Variants in MMP26 observed in about 807,000 individuals in gnomAD.
The protein encoded by MMP26 is matrix metalloproteinase-26.
Under a neutral mutation model 31.0 loss-of-function variants are expected in MMP26, and 33 were observed. The ratio of observed to expected loss-of-function variants is 1.06; its 90% CI spans 0.81 to 1.42. The LOEUF (loss-of-function observed/expected upper bound fraction) is 1.42, where lower values mean the gene tolerates loss of function less well. Among genes scored for constraint, MMP26 ranks in the 40% most tolerant of loss-of-function variants. The probability of loss-of-function intolerance (pLI) is 0.00; values close to 1 mark genes in which losing one functional copy is unlikely to be tolerated. For missense variants in MMP26, 347 were observed against 316.1 expected, an observed-to-expected ratio of 1.10 and a Z score of -0.74; for synonymous variants, 122 against 114.9, an observed-to-expected ratio of 1.06 and a Z score of -0.40.
intron 1 of MMP26, among the ~76,000 whole-genome samples, chr11:4,718,360 C>T (rs914534384): frequency 7.2e-5 from 11 of 152,192 alleles, no homozygotes. Flanking sequence ...AGACGGAATG[C>T]TGCTCTCTTT....
At position 4,992,137 on chromosome 11, in the gene MMP26, T is replaced by C; in HGVS notation, c.757+12T>C. On this transcript the variant is annotated intron_variant, in intron 7 of 7. Coordinates refer to ENST00000380390, the MANE Select transcript of MMP26 (RefSeq NM_021801.5). Reference sequence around the variant, plus strand: ...CCAGCATTTGTATGGTCTGTGCTGCTTAAGGAAGAGAAGGGAGATCTGGGC... The same window carrying C: ...CCAGCATTTGTATGGTCTGTGCTGCCTAAGGAAGAGAAGGGAGATCTGGGC... 1 of 1,613,160 alleles carries C rather than the reference T, an allele frequency of 6.2e-7. No individual in the cohort carries two copies.
chr11:4,822,275 T>A, intron 2 of MMP26: 2 of 1,563,670 alleles, frequency 1.3e-6, no homozygotes, highest in Non-Finnish European at 8.7e-7. Context: ...TTTCTGCTAA[T>A]CCCTCCTGTG....
At chr11:4,959,237 CAAAAAAAAAA>C (rs57867455) in intron 2 of MMP26, among the ~76,000 whole-genome samples, 104 of 74,472 alleles carry the variant, frequency 1.4e-3, no homozygotes, top group Middle Eastern at 8.5e-3. Context: ...AACTCTGTCT[CAAAAAAAAAA>C]AAAAAAAAAA....
chr11:4,820,354 G>A (rs35628152), intron 2 of MMP26, among the ~76,000 whole-genome samples: 15,922 of 152,106 alleles, frequency 0.1, 1,025 homozygotes, highest in Middle Eastern at 0.17. Flanking sequence ...AGATAATTGT[G>A]TCTGGCATAT....
chr11:4,769,453 T>TA (rs1169700488), intron 2 of MMP26: 2 of 1,612,902 alleles, frequency 1.2e-6, no homozygotes, highest in East Asian at 4.5e-5. Flanking sequence ...ATATTAGTAC[T>TA]ATAGCACGTG....
At chr11:4,918,369 T>C (rs535606141) in intron 2 of MMP26, among the ~76,000 whole-genome samples, 3 of 152,274 alleles carry the variant, frequency 2.0e-5, no homozygotes, top group Non-Finnish European at 2.9e-5. Context: ...TTTTTTCCTA[T>C]AAACTCAAGA....
chr11:4,915,080 G>A, intron 2 of MMP26: 3 of 1,613,982 alleles, frequency 1.9e-6, no homozygotes, highest in African/African-American at 1.3e-5. Flanking sequence ...CTTCATGTCG[G>A]CACAGGCCAA....
chr11:4,794,163 A>C (rs2133445153), intron 2 of MMP26: 1 of 152,300 alleles, frequency 6.6e-6, no homozygotes, highest in Non-Finnish European at 1.5e-5. Flanking sequence ...CAGCATGACC[A>C]CTTGCTCATA....
chr11:4,736,744 A>G (rs1411050018), intron 1 of MMP26: 1 of 152,370 alleles, frequency 6.6e-6, no homozygotes, highest in Non-Finnish European at 1.5e-5. Context: ...ATCAAAGGCC[A>G]TTGCCAGAAG....
intron 1 of MMP26, among the ~76,000 whole-genome samples, chr11:4,729,534 A>C (rs937338036): frequency 2.0e-5 from 3 of 152,172 alleles, no homozygotes; most frequent in Non-Finnish European, 4.4e-5. Context: ...GCCAAACCCA[A>C]CTAGAATACG....
intron 2 of MMP26, among the ~76,000 whole-genome samples, chr11:4,816,543 T>G (rs1412834368): frequency 6.6e-6 from 1 of 151,718 alleles, no homozygotes; most frequent in African/African-American, 2.4e-5. Flanking sequence ...TATCCTGCTA[T>G]CAGACAAAAC....
chr11:4,882,971 C>G, intron 2 of MMP26: 1 of 986,708 alleles, frequency 1.0e-6, no homozygotes, highest in South Asian at 1.7e-5. Context: ...GTTGCTGAGT[C>G]AATTCCAATT....
At chr11:4,779,699 T>TA (rs1247106050) in intron 2 of MMP26, among the ~76,000 whole-genome samples, 5 of 152,130 alleles carry the variant, frequency 3.3e-5, no homozygotes, top group African/African-American at 1.2e-4. Flanking sequence ...GTCCTATTTT[T>TA]AAGAAAATGT....
intron 2 of MMP26, among the ~76,000 whole-genome samples, chr11:4,863,283 CTTTAATTTTCAGACCCT>C (rs570198808): frequency 1.3e-3 from 203 of 152,074 alleles, no homozygotes; most frequent in African/African-American, 4.8e-3. Context: ...TTTTAATCTT[CTTTAATTTTCAGACCCT>C]TCCTTTCTCT....
chr11:4,815,225 G>T (rs1285254299), intron 2 of MMP26, among the ~76,000 whole-genome samples: 1 of 152,146 alleles, frequency 6.6e-6, no homozygotes, highest in Non-Finnish European at 1.5e-5. Context: ...TAGGGCAGAG[G>T]AAGCAATCAG....
intron 2 of MMP26, among the ~76,000 whole-genome samples, chr11:4,826,870 C>T (rs895875587): frequency 5.9e-5 from 9 of 152,064 alleles, no homozygotes; most frequent in Non-Finnish European, 7.4e-5. Flanking sequence ...AAATACGTCT[C>T]GGGATACTCA....
At chr11:4,987,403 T>C (rs996272007) in intron 2 of MMP26, among the ~76,000 whole-genome samples, 10 of 149,938 alleles carry the variant, frequency 6.7e-5, no homozygotes, top group Admixed American at 2.0e-4. Flanking sequence ...TTTTGTTTTT[T>C]GTGGTTTTTT....
chr11:4,712,974 T>G (rs1847880885), intron 1 of MMP26, among the ~76,000 whole-genome samples: 1 of 152,074 alleles, frequency 6.6e-6, no homozygotes, highest in Admixed American at 6.6e-5. Flanking sequence ...CTGAAAATAG[T>G]AGTCTGGTTA....
chr11:4,942,916 T>G (rs1846235628), intron 2 of MMP26: 1 of 152,260 alleles, frequency 6.6e-6, no homozygotes. Flanking sequence ...TTAAAGAATA[T>G]TTTTTCATGG....
Sources: allele counts gnomAD v4.1 joint callset (sites outside exome capture counted in the v4.1 genomes callset), GRCh38; gene constraint gnomAD v4.1.1; transcripts MANE v1.5; gene names NCBI Gene and HGNC (gene_info 2026-07-23, HGNC 2026-07-21).